ABI1: variants seen among roughly 807,000 people sequenced by gnomAD.
The protein encoded by ABI1 is abl interactor 1, also known as Abelson interactor 1.
A neutral mutation model predicts 54.6 loss-of-function variants in ABI1; 14 were observed. That is an observed-to-expected ratio of 0.26 (90% CI 0.17 to 0.40). The LOEUF (loss-of-function observed/expected upper bound fraction) is 0.40. ABI1 is among the 10% of genes least tolerant of loss of function. The pLI, the probability that ABI1 is intolerant of heterozygous loss-of-function variation, is 1.00. For synonymous variants in ABI1, 194 were observed against 209.3 expected (o/e 0.93, Z 0.63); for missense variants, 443 against 598.3 (o/e 0.74, Z 2.71).
At chr10:26,846,141 C>CAA (rs76596179) in intron 1 of ABI1, among the ~76,000 whole-genome samples, 22 of 122,644 alleles carry the variant, frequency 1.8e-4, no homozygotes, top group African/African-American at 4.2e-4. Flanking sequence ...GACTCCGTCT[C>CAA]AAAAAAAAAA....
At position 26,860,713 on chromosome 10, in the gene ABI1, C is replaced by T. The variant is rs766467628; in HGVS notation, c.117+34G>A. On this transcript the variant is annotated intron_variant, in intron 1 of 10. Transcript: ENST00000376140. This position sits in a 1 kb window ranked among gnomAD's most constrained non-coding sequence, Gnocchi z 4.1. The stretch of plus-strand genomic sequence containing the variant: ...TGGTCACTCCGGCGGGTCCTCGACC[C>T]GGCCAGCGCCCGCCGGCCGCCAGAG... The T allele has an allele frequency of 7.0e-6, 11 of 1,579,864 alleles. No homozygotes were observed. The highest frequency in any genetic ancestry group is 8.7e-6 in the Non-Finnish European group (10 of 1,150,328).
intron 3 of ABI1, among the ~76,000 whole-genome samples, chr10:26,772,477 G>C (rs1840812673): frequency 6.6e-6 from 1 of 151,956 alleles, no homozygotes; most frequent in Non-Finnish European, 1.5e-5. Context: ...AAAAAAATTA[G>C]CATTCAAGTA....
chr10:26,847,484 G>A (rs1196463797), intron 1 of ABI1, among the ~76,000 whole-genome samples: 1 of 152,078 alleles, frequency 6.6e-6, no homozygotes, highest in African/African-American at 2.4e-5. Context: ...AATTAGCCAA[G>A]CGTGATGGTG....
In ABI1 at chr10:26,771,115, G is replaced by A. The variant is rs200084416; in HGVS notation, c.463-26C>T. The A allele has an allele frequency of 5.5e-5, 89 of 1,612,846 alleles. No individual in the cohort carries two copies. In the African/African-American group the frequency reaches 1.0e-3, roughly 18 times the overall value. The stretch of plus-strand genomic sequence containing the variant: ...CTTTACGTTGGCAAAAAAAGGGGGG[G>A]AAAAAGTAGACATTAATGCTAGGTA... On this transcript the variant is annotated intron_variant, in intron 3 of 10. Transcript: ENST00000376140.
intron 2 of ABI1, among the ~76,000 whole-genome samples, chr10:26,780,053 A>G (rs1297064848): frequency 1.3e-5 from 2 of 152,212 alleles, no homozygotes; most frequent in African/African-American, 4.8e-5. Flanking sequence ...TTATCTTAAC[A>G]ATGGAGCAGT....
chr10:26,747,418 C>T lies in ABI1; in HGVS notation c.*1152G>A, dbSNP rs927601728. 4.5e-6 allele frequency: 1 copy of T among 220,986 alleles called. No individual in the cohort carries two copies. The highest frequency in any genetic ancestry group is 6.6e-5 in the East Asian group (1 of 15,110). The allele number at this position is 220,986 out of a possible 1,614,324, so 13.7% of individuals were successfully genotyped here. A position where few individuals can be genotyped will look rare whatever the true frequency, so the allele number is the denominator to read the frequency against. ...CACTGATTAATACATGACCCACCTT[C>T]TTTCCCAATTATTTTATTTTAAAAT... On this transcript the variant is annotated 3_prime_UTR_variant, in exon 11 of 11. Coordinates refer to ENST00000376140, the MANE Select transcript of ABI1 (RefSeq NM_001012750.3).
At chr10:26,798,605 G>C (rs913754749) in intron 2 of ABI1, among the ~76,000 whole-genome samples, 11 of 151,992 alleles carry the variant, frequency 7.2e-5, no homozygotes, top group Non-Finnish European at 1.5e-4. Flanking sequence ...AGATAATAAA[G>C]ATATGTTATA....
chr10:26,860,753 G>A lies in ABI1; in HGVS notation c.111C>T (p.Tyr37=), dbSNP rs1216594896. 8 of 1,613,546 alleles carry A rather than the reference G, an allele frequency of 5.0e-6. No homozygotes were observed. The highest frequency in any genetic ancestry group is 6.8e-6 in the Non-Finnish European group (8 of 1,179,546). The change falls in exon 1 of 11, where the codon TAC becomes TAT. Residue 37 remains tyrosine (Y), a synonymous_variant. Transcript: ENST00000376140. The surrounding 1 kb of genome is among the most constrained non-coding windows in gnomAD (Gnocchi z 4.1). ...TRVADYCENN[Y]IQATDKRKAL... ...GGCCGCCAGAGCGCCTCACCTGTAT[G>A]TAGTTGTTTTCACAGTAGTCTGCCA...
chr10:26,810,104 C>T (rs1296352838), intron 2 of ABI1, among the ~76,000 whole-genome samples: 1 of 152,154 alleles, frequency 6.6e-6, no homozygotes, highest in Non-Finnish European at 1.5e-5. Context: ...CTACTTGCCA[C>T]TAGCACCTGA....
At chr10:26,858,465 T>TTTTTC (rs2134373468) in intron 1 of ABI1, among the ~76,000 whole-genome samples, 1 of 150,540 alleles carries the variant, frequency 6.6e-6, no homozygotes, top group African/African-American at 2.4e-5. Context: ...TTTTTTTTTT[T>TTTTTC]TTCCAATATG....
chr10:26,765,013 T>A (rs1338866698), intron 7 of ABI1, among the ~76,000 whole-genome samples: 1 of 151,230 alleles, frequency 6.6e-6, no homozygotes, highest in Non-Finnish European at 1.5e-5. Context: ...ATGCAGTATA[T>A]ATAAGGAGAA....
chr10:26,751,986 G>C (rs567613849), intron 9 of ABI1, among the ~76,000 whole-genome samples: 1 of 152,084 alleles, frequency 6.6e-6, no homozygotes, highest in Non-Finnish European at 1.5e-5. Flanking sequence ...AAAAATAAGG[G>C]TATCTGGAAG....
intron 2 of ABI1, among the ~76,000 whole-genome samples, chr10:26,795,965 C>A (rs537181063): frequency 3.2e-4 from 49 of 152,246 alleles, no homozygotes; most frequent in African/African-American, 1.1e-3. Flanking sequence ...AGCCTGGTGA[C>A]AGAGTGAGAC....
At chr10:26,813,739 C>T (rs4749185) in intron 2 of ABI1, among the ~76,000 whole-genome samples, 87,327 of 152,026 alleles carry the variant, frequency 0.57, 27,267 homozygotes, top group African/African-American at 0.83. Context: ...TTTAAAGACA[C>T]TTTCAGAAAT....
intron 2 of ABI1, among the ~76,000 whole-genome samples, chr10:26,780,060 C>G (rs1351027096): frequency 6.6e-6 from 1 of 152,098 alleles, no homozygotes; most frequent in Non-Finnish European, 1.5e-5. Flanking sequence ...AACAATGGAG[C>G]AGTAAAGAGC....
chr10:26,748,305 T>C lies in ABI1; in HGVS notation c.*265A>G, dbSNP rs1208987636. 9.4e-6 allele frequency: 3 copies of C among 318,458 alleles called. No homozygotes were observed. The highest frequency in any genetic ancestry group is 1.7e-5 in the Non-Finnish European group (3 of 171,492). 19.7% of individuals were successfully genotyped at this position (318,458 alleles called of 1,614,324 possible). Reference sequence around the variant, plus strand: ...ATTATACCCCACTTCCCCCAGAATATTTAGGCTGGTCATAAAGTTAAAAAT... The same window carrying C: ...ATTATACCCCACTTCCCCCAGAATACTTAGGCTGGTCATAAAGTTAAAAAT... On this transcript the variant is annotated 3_prime_UTR_variant, in exon 11 of 11. Coordinates refer to ENST00000376140, the MANE Select transcript of ABI1 (RefSeq NM_001012750.3).
At chr10:26,757,409 A>T (rs1341810552) in intron 8 of ABI1, among the ~76,000 whole-genome samples, 11 of 96,584 alleles carry the variant, frequency 1.1e-4, no homozygotes, top group Admixed American at 4.8e-4. Context: ...TGTATTATAT[A>T]AAAAAGTCAC....
chr10:26,850,971 T>C (rs1390668313), intron 1 of ABI1, among the ~76,000 whole-genome samples: 1 of 150,642 alleles, frequency 6.6e-6, no homozygotes, highest in African/African-American at 2.4e-5. Context: ...GGCCAGAGAG[T>C]AATAGGAAAA....
chr10:26,791,086 A>G (rs1387077768), intron 2 of ABI1, among the ~76,000 whole-genome samples: 1 of 151,542 alleles, frequency 6.6e-6, no homozygotes, highest in South Asian at 2.1e-4. Flanking sequence ...AAAAAAAAAA[A>G]AAAAACAGAG....
Sources: gnomAD v4.1 joint callset for allele counts (sites outside exome capture counted in the v4.1 genomes callset) on GRCh38, gnomAD v4.1.1 for gene constraint, Gnocchi (gnomAD v3.1) non-coding constraint, MANE v1.5 for transcripts, NCBI Gene and HGNC (gene_info 2026-07-23, HGNC 2026-07-21) for gene names.